The following PRUNE2 variants were observed in gnomAD, a reference collection of about 807,000 sequenced individuals.
PRUNE2 encodes prune homolog 2 with BCH domain.
Under a neutral mutation model 252.0 loss-of-function variants are expected in PRUNE2, and 164 were observed. That is an observed-to-expected ratio of 0.65 (90% CI 0.57 to 0.74). The LOEUF is 0.74. Among genes scored for constraint, PRUNE2 ranks in the 30% least tolerant of loss-of-function variants. PRUNE2 has a pLI of 0.00. For synonymous variants in PRUNE2, 1,292 were observed against 1,350.2 expected (o/e 0.96, Z 0.94); for missense variants, 3,495 against 3,711.0 (o/e 0.94, Z 1.51).
At chr9:76,842,544 G>A (rs541356840) in intron 4 of PRUNE2, among the ~76,000 whole-genome samples, 71 of 152,224 alleles carry the variant, frequency 4.7e-4, no homozygotes, top group African/African-American at 1.7e-3. Flanking sequence ...GAATGAACAG[G>A]CAACCTACAG....
intron 1 of PRUNE2, among the ~76,000 whole-genome samples, chr9:76,858,219 A>C (rs2060361231): frequency 6.6e-6 from 1 of 152,216 alleles, no homozygotes; most frequent in Non-Finnish European, 1.5e-5. Flanking sequence ...AAATGGACAA[A>C]AATCCCATCC....
chr9:76,780,912 C>G (rs1165807970), intron 6 of PRUNE2, among the ~76,000 whole-genome samples: 1 of 152,134 alleles, frequency 6.6e-6, no homozygotes, highest in South Asian at 2.1e-4. Context: ...AACCCTCATC[C>G]CCGTGTGTTT....
At chr9:76,737,003 G>GA (rs35887285) in intron 6 of PRUNE2, 36,638 of 151,996 alleles carry the variant, frequency 0.24, 5,989 homozygotes, top group East Asian at 0.5. Flanking sequence ...TTCTTTATGG[G>GA]ACAGTATAAG....
chr9:76,844,325 T>C (rs1360598632), intron 4 of PRUNE2, among the ~76,000 whole-genome samples: 1 of 152,096 alleles, frequency 6.6e-6, no homozygotes, highest in Non-Finnish European at 1.5e-5. Flanking sequence ...ACCTGAGATC[T>C]GGTTGTTAAA....
intron 6 of PRUNE2, among the ~76,000 whole-genome samples, chr9:76,770,122 A>G (rs1438197495): frequency 1.3e-5 from 2 of 152,200 alleles, no homozygotes. Flanking sequence ...ACAATTCTTC[A>G]GTCACTAAAA....
chr9:76,868,401 C>G (rs981446448), intron 1 of PRUNE2, among the ~76,000 whole-genome samples: 3 of 152,224 alleles, frequency 2.0e-5, no homozygotes, highest in Non-Finnish European at 4.4e-5. Flanking sequence ...ATGAGGCTGC[C>G]TTGCAGGTGT....
At chr9:76,639,516 T>C (rs964666754) in intron 12 of PRUNE2, among the ~76,000 whole-genome samples, 2 of 152,012 alleles carry the variant, frequency 1.3e-5, no homozygotes, top group East Asian at 1.9e-4. Flanking sequence ...AAAAAAACTA[T>C]ATACAGCCAA....
chr9:76,702,950 C>A (rs28566501), intron 9 of PRUNE2, among the ~76,000 whole-genome samples: 1 of 152,082 alleles, frequency 6.6e-6, no homozygotes, highest in Admixed American at 6.6e-5. Context: ...TCCATTCCCC[C>A]CACTGGCATG....
chr9:76,620,564 A>G (rs942766289), intron 17 of PRUNE2, among the ~76,000 whole-genome samples: 12 of 152,294 alleles, frequency 7.9e-5, no homozygotes, highest in Admixed American at 6.5e-4. Context: ...CTGTTTGCAC[A>G]TAAGAGGATC....
At chr9:76,744,793 C>T (rs73651001) in intron 6 of PRUNE2, among the ~76,000 whole-genome samples, 6,887 of 152,276 alleles carry the variant, frequency 0.045, 496 homozygotes, top group African/African-American at 0.15. Context: ...CTCACCAGGG[C>T]TGTGCCTCAC....
At chr9:76,891,000 G>A (rs1218678570) in intron 1 of PRUNE2, among the ~76,000 whole-genome samples, 1 of 152,186 alleles carries the variant, frequency 6.6e-6, no homozygotes, top group African/African-American at 2.4e-5. Context: ...CTTCATCTTT[G>A]CGCATATTGG....
At chr9:76,680,496 G>A (rs748633259) in intron 9 of PRUNE2, among the ~76,000 whole-genome samples, 52 of 152,194 alleles carry the variant, frequency 3.4e-4, no homozygotes, top group South Asian at 2.5e-3. Context: ...TCCTCAAATC[G>A]ATTAAAAATA....
chr9:76,835,290 C>A (rs73462318), intron 4 of PRUNE2, among the ~76,000 whole-genome samples: 18,565 of 151,116 alleles, frequency 0.12, 1,232 homozygotes, highest in Non-Finnish European at 0.15. Context: ...AAAGAAGGGT[C>A]TTAAATCTTT....
chr9:76,714,077 ATTG>A (rs2046950505), intron 6 of PRUNE2, among the ~76,000 whole-genome samples: 1 of 152,184 alleles, frequency 6.6e-6, no homozygotes, highest in Admixed American at 6.5e-5. Context: ...AATGTCTGCT[ATTG>A]TTACAATTTA....
At chr9:76,676,358 A>C (rs2042585409) in intron 9 of PRUNE2, among the ~76,000 whole-genome samples, 1 of 52,248 alleles carries the variant, frequency 1.9e-5, no homozygotes, top group Non-Finnish European at 5.4e-5. Flanking sequence ...ACATTATGGT[A>C]TTTCAATGTA....
chr9:76,805,905 T>C (rs1275036015), intron 6 of PRUNE2, among the ~76,000 whole-genome samples: 1 of 152,194 alleles, frequency 6.6e-6, no homozygotes, highest in Non-Finnish European at 1.5e-5. Flanking sequence ...TCATCACCTA[T>C]AAAATAGATA....
At chr9:76,687,941 C>T (rs10123459) in intron 9 of PRUNE2, among the ~76,000 whole-genome samples, 2,081 of 152,234 alleles carry the variant, frequency 0.014, 43 homozygotes, top group African/African-American at 0.047. Flanking sequence ...GTATCTGGCC[C>T]GTTAGTAAGC....
At chr9:76,659,308 A>G (rs28587388) in intron 9 of PRUNE2, among the ~76,000 whole-genome samples, 4,048 of 152,238 alleles carry the variant, frequency 0.027, 174 homozygotes, top group African/African-American at 0.091. Flanking sequence ...TGGGTAACCA[A>G]TTTTCCACAT....
chr9:76,704,123 GA>G, intron 8 of PRUNE2, 24 bp from the exon 9 acceptor site: 1 of 1,536,022 alleles, frequency 6.5e-7, no homozygotes, highest in Non-Finnish European at 8.8e-7. Flanking sequence ...TTGAAAGTGA[GA>G]AGAGGAGAAA....
Sources: allele counts gnomAD v4.1 joint callset (sites outside exome capture counted in the v4.1 genomes callset), GRCh38; gene constraint gnomAD v4.1.1; transcripts MANE v1.5; gene names NCBI Gene and HGNC (gene_info 2026-07-23, HGNC 2026-07-21).